The following BRAF variants were observed in gnomAD, a reference collection of about 807,000 sequenced individuals.
BRAF encodes the protein serine/threonine-protein kinase B-raf.
A neutral mutation model predicts 104.6 loss-of-function variants in BRAF; 16 were observed. The observed-to-expected ratio is 0.15, with a 90% CI of 0.10 to 0.23. The LOEUF (loss-of-function observed/expected upper bound fraction) is 0.23, where lower values mean the gene tolerates loss of function less well. BRAF is among the 10% of genes least tolerant of loss of function. BRAF has a pLI of 1.00. For missense variants in BRAF, 541 were observed against 937.3 expected, an observed-to-expected ratio of 0.58 and a Z score of 5.52; for synonymous variants, 310 against 341.6, an observed-to-expected ratio of 0.91 and a Z score of 1.02.
At chr7:140,885,138 G>A (rs1813414586) in intron 1 of BRAF, among the ~76,000 whole-genome samples, 1 of 151,982 alleles carries the variant, frequency 6.6e-6, no homozygotes, top group Non-Finnish European at 1.5e-5. Flanking sequence ...CGATTACAGG[G>A]ACGGATTACA....
intron 19 of BRAF, chr7:140,732,581 T>G (rs1462873670): frequency 2.0e-5 from 3 of 152,198 alleles, no homozygotes; most frequent in African/African-American, 7.2e-5. Flanking sequence ...CATGTTTTAC[T>G]GGCTACAGAA....
intron 2 of BRAF, among the ~76,000 whole-genome samples, chr7:140,846,011 A>T (rs75553856): frequency 3.2e-4 from 48 of 152,060 alleles, no homozygotes; most frequent in Non-Finnish European, 4.6e-4. Context: ...ACCGAAAATA[A>T]TAAGTGTTGG....
intron 1 of BRAF, among the ~76,000 whole-genome samples, chr7:140,873,044 C>T (rs1398526147): frequency 1.3e-5 from 2 of 151,910 alleles, no homozygotes; most frequent in Non-Finnish European, 2.9e-5. Context: ...GAAATGAGTA[C>T]ATTGATAAAT....
At chr7:140,782,976 TAAG>T (rs1287675867) in intron 11 of BRAF, 42 bp downstream of exon 10, 2 of 1,605,306 alleles carry the variant, frequency 1.2e-6, no homozygotes, top group Admixed American at 1.7e-5. Context: ...CTGTGACTTC[TAAG>T]AAGAAAGAAT....
chr7:140,754,668 C>T (rs1798055956), intron 14 of BRAF, among the ~76,000 whole-genome samples: 2 of 152,142 alleles, frequency 1.3e-5, no homozygotes, highest in Admixed American at 1.3e-4. Flanking sequence ...AATTCTAACT[C>T]CTGAGTGAAG....
At chr7:140,872,549 CT>C (rs1355717060) in intron 1 of BRAF, among the ~76,000 whole-genome samples, 1 of 152,016 alleles carries the variant, frequency 6.6e-6, no homozygotes, top group Non-Finnish European at 1.5e-5. Context: ...ACCAAAGTTC[CT>C]TTTTTAACAA....
chr7:140,785,881 G>T, intron 9 of BRAF: 1 of 397,906 alleles, frequency 2.5e-6, no homozygotes, highest in South Asian at 1.3e-4. Flanking sequence ...AGAAGTCATG[G>T]GGAATAAACA....
chr7:140,783,091 G>T lies in BRAF; in HGVS notation c.1364C>A (p.Ala455Asp). Residue 455 changes from alanine to aspartate, a missense_variant, in exon 11 of 20, where the codon GCC becomes GAC. By Grantham distance (126) the Ala-to-Asp change is moderately radical (BLOSUM62 -2). Around this residue, in one of 10 missense-constraint regions of BRAF, gnomAD observed 109 missense variants for 143.9 expected, o/e 0.76. Transcript: ENST00000644969. ...CTGAGGTCCTGGAGATTTCTGTAAG[G>T]CTTTCACGTTAGTTAGTGAGCCAGG... Reference protein sequence around the residue: ...SLPGSLTNVKALQKSPGPQRE... With the variant: ...SLPGSLTNVKDLQKSPGPQRE... 1 of 1,614,060 alleles carries T rather than the reference G, an allele frequency of 6.2e-7. No homozygotes were observed. Among genetic ancestry groups the T allele is most frequent in the Non-Finnish European group, 8.5e-7 (1 of 1,179,984 alleles).
intron 1 of BRAF, among the ~76,000 whole-genome samples, chr7:140,905,911 A>G (rs962256526): frequency 3.3e-5 from 5 of 149,758 alleles, no homozygotes; most frequent in African/African-American, 1.2e-4. Context: ...AAACGGTGAA[A>G]CCCCGTCTCT....
intron 14 of BRAF, among the ~76,000 whole-genome samples, chr7:140,762,452 T>G (rs1212153184): frequency 6.6e-6 from 1 of 151,966 alleles, no homozygotes; most frequent in African/African-American, 2.4e-5. Flanking sequence ...GATCCAAAAT[T>G]GCCACCCTAA....
At chr7:140,792,273 T>C (rs1381125730) in intron 8 of BRAF, among the ~76,000 whole-genome samples, 1 of 152,090 alleles carries the variant, frequency 6.6e-6, no homozygotes, top group Non-Finnish European at 1.5e-5. Flanking sequence ...TCCCATTTCA[T>C]CTATCCTCCA....
intron 1 of BRAF, among the ~76,000 whole-genome samples, chr7:140,922,357 G>A (rs1046390218): frequency 6.6e-6 from 1 of 152,090 alleles, no homozygotes; most frequent in South Asian, 2.1e-4. Context: ...CATGGCCCTC[G>A]CTCTCACTTA....
intron 1 of BRAF, among the ~76,000 whole-genome samples, chr7:140,856,255 T>C (rs1417545179): frequency 6.6e-6 from 1 of 151,232 alleles, no homozygotes; most frequent in Non-Finnish European, 1.5e-5. Context: ...AAAGGTGGGG[T>C]TGGGGGAGGA....
chr7:140,896,376 C>T (rs1359726239), intron 1 of BRAF, among the ~76,000 whole-genome samples: 1 of 152,028 alleles, frequency 6.6e-6, no homozygotes, highest in Admixed American at 6.6e-5. Context: ...CAAATAATAC[C>T]AATCCTCCAC....
chr7:140,813,658 A>G (rs1458864700), intron 3 of BRAF, among the ~76,000 whole-genome samples: 5 of 152,222 alleles, frequency 3.3e-5, no homozygotes, highest in Non-Finnish European at 4.4e-5. Context: ...TAGTACATCT[A>G]TACAATGGAA....
chr7:140,837,856 T>G (rs990669304), intron 2 of BRAF, among the ~76,000 whole-genome samples: 9 of 152,322 alleles, frequency 5.9e-5, no homozygotes, highest in African/African-American at 2.2e-4. Flanking sequence ...AATGAAAAGT[T>G]TACTCTACTT....
intron 2 of BRAF, among the ~76,000 whole-genome samples, chr7:140,847,771 A>C (rs900385697): frequency 2.0e-5 from 3 of 152,214 alleles, no homozygotes; most frequent in Non-Finnish European, 4.4e-5. Context: ...GTGGGGTATA[A>C]GAAGGCTGGA....
At chr7:140,863,614 T>C (rs903004669) in intron 1 of BRAF, among the ~76,000 whole-genome samples, 3 of 152,230 alleles carry the variant, frequency 2.0e-5, no homozygotes, top group Admixed American at 2.0e-4. Context: ...TGGGGCCTGG[T>C]TGGAGGTGAC....
intron 1 of BRAF, among the ~76,000 whole-genome samples, chr7:140,889,289 G>A (rs987355889): frequency 3.9e-5 from 6 of 152,026 alleles, no homozygotes; most frequent in East Asian, 1.9e-4. Flanking sequence ...TTATAATAAC[G>A]AACCTTGGCC....
Sources: allele counts gnomAD v4.1 joint callset (sites outside exome capture counted in the v4.1 genomes callset), GRCh38; gene constraint gnomAD v4.1.1; regional missense constraint gnomAD v4.1.1; transcripts MANE v1.5; gene names NCBI Gene and HGNC (gene_info 2026-07-23, HGNC 2026-07-21).